DSCAM: variants seen among roughly 807,000 people sequenced by gnomAD.
DSCAM encodes the protein DS cell adhesion molecule.
DSCAM carries 47 observed loss-of-function variants against 217.7 expected under a neutral mutation model. That is an observed-to-expected ratio of 0.22 (90% CI 0.17 to 0.28). The LOEUF (loss-of-function observed/expected upper bound fraction) is 0.28, where lower values mean the gene tolerates loss of function less well. DSCAM is among the 10% of genes least tolerant of loss of function. The probability of loss-of-function intolerance (pLI) is 1.00; values close to 1 mark genes in which losing one functional copy is unlikely to be tolerated. For synonymous variants in DSCAM, 1,056 were observed against 1,015.3 expected (o/e 1.04, Z -0.76); for missense variants, 2,080 against 2,618.3 (o/e 0.79, Z 4.49).
intron 3 of DSCAM, among the ~76,000 whole-genome samples, chr21:40,441,083 T>TA (rs1179470519): frequency 1.5e-5 from 2 of 129,224 alleles, no homozygotes; most frequent in African/African-American, 5.8e-5. Context: ...CAAGAAATGG[T>TA]AAACCCTGAG....
rs141492405 is a variant in DSCAM, at chr21:40,296,780, G to A, written c.2063-606C>T. 8.1e-3 allele frequency among the ~76,000 whole-genome samples: 1,088 copies of A among 133,654 alleles called. 9 individuals are homozygous for A. Among genetic ancestry groups the A allele is most frequent in the Middle Eastern group, 0.032 (7 of 216 alleles). 87.7% of individuals were successfully genotyped at this position (133,654 alleles called of 152,430 possible). A position where few individuals can be genotyped will look rare whatever the true frequency, so the allele number is the denominator to read the frequency against. On this transcript the variant is annotated intron_variant, in intron 9 of 32. Transcript: ENST00000400454. ...CGGGAAGCGGAGGTTGCAGTGAGCTGAGATAATGCCATTGCACTCCAGCCT... is the reference window on the plus strand; with the variant it reads ...CGGGAAGCGGAGGTTGCAGTGAGCTAAGATAATGCCATTGCACTCCAGCCT...
chr21:40,626,565 A>G (rs563688025), intron 3 of DSCAM, among the ~76,000 whole-genome samples: 1 of 152,316 alleles, frequency 6.6e-6, no homozygotes, highest in African/African-American at 2.4e-5. Flanking sequence ...GGTGATCTGA[A>G]TCATGTCTCT....
intron 32 of DSCAM, among the ~76,000 whole-genome samples, chr21:40,021,798 A>G (rs2088277677): frequency 6.6e-6 from 1 of 152,134 alleles, no homozygotes; most frequent in Admixed American, 6.5e-5. Context: ...TCTGGTCCTG[A>G]AATGTACAGA....
At chr21:40,066,896 C>CTAACTTATT (rs1383061493) in intron 27 of DSCAM, among the ~76,000 whole-genome samples, 1 of 152,210 alleles carries the variant, frequency 6.6e-6, no homozygotes, top group Non-Finnish European at 1.5e-5. Flanking sequence ...ATAACCTCAA[C>CTAACTTATT]TAACTTATTT....
At chr21:40,092,160 G>T (rs1169747172) in intron 21 of DSCAM, among the ~76,000 whole-genome samples, 1 of 152,024 alleles carries the variant, frequency 6.6e-6, no homozygotes, top group Non-Finnish European at 1.5e-5. Flanking sequence ...TCCGTATCTG[G>T]CTCATGAAAA....
At chr21:40,307,599 C>A (rs868031135) in intron 9 of DSCAM, among the ~76,000 whole-genome samples, 2 of 152,052 alleles carry the variant, frequency 1.3e-5, no homozygotes, top group African/African-American at 4.8e-5. Flanking sequence ...ACCCAAAGGA[C>A]TATAAATCAT....
chr21:40,732,950 GT>G (rs1262905401), intron 1 of DSCAM, among the ~76,000 whole-genome samples: 2 of 152,204 alleles, frequency 1.3e-5, no homozygotes, highest in East Asian at 3.9e-4. Flanking sequence ...GATGCATAAA[GT>G]GATTTGAGGC....
chr21:40,776,247 G>A (rs2091487322), intron 1 of DSCAM, among the ~76,000 whole-genome samples: 1 of 151,618 alleles, frequency 6.6e-6, no homozygotes, highest in Admixed American at 6.6e-5. Flanking sequence ...TTATAATTTG[G>A]GGATTTGATC....
chr21:40,588,937 A>G (rs1267516592), intron 3 of DSCAM, among the ~76,000 whole-genome samples: 1 of 152,156 alleles, frequency 6.6e-6, no homozygotes, highest in East Asian at 1.9e-4. Flanking sequence ...CTGTAGCCAT[A>G]TTTTCAGGAG....
intron 3 of DSCAM, among the ~76,000 whole-genome samples, chr21:40,684,691 C>T (rs904273520): frequency 2.6e-5 from 4 of 152,188 alleles, no homozygotes; most frequent in Non-Finnish European, 5.9e-5. Flanking sequence ...TACTGTGGCA[C>T]ATTGTCTAAG....
At position 40,688,380 on chromosome 21, in the gene DSCAM, G is replaced by A. The variant is rs532194458; in HGVS notation, c.508+4430C>T. 3.9e-5 allele frequency among the ~76,000 whole-genome samples: 6 copies of A among 152,184 alleles called. No homozygotes were observed. In the South Asian group the frequency reaches 1.2e-3, roughly 32 times the overall value. On this transcript the variant is annotated intron_variant, in intron 3 of 32. Transcript: ENST00000400454. The stretch of plus-strand genomic sequence containing the variant: ...TGAAGGGAAACCCAAATATAAAGCC[G>A]GTGTTATTGTTTTTTTCCAGGATGG...
chr21:40,415,908 C>T (rs1380364158), intron 3 of DSCAM, among the ~76,000 whole-genome samples: 1 of 152,074 alleles, frequency 6.6e-6, no homozygotes, highest in Non-Finnish European at 1.5e-5. Context: ...TTATTAATGA[C>T]ACATAGGTTT....
rs151117328 is a variant in DSCAM, at chr21:40,809,882, G to A, written c.43+36737C>T. On this transcript the variant is annotated intron_variant, in intron 1 of 32. Transcript: ENST00000400454. The stretch of plus-strand genomic sequence containing the variant: ...CAAGCACTAGGAAAAGGGCGATGAC[G>A]TGGCTGTGAAAATGAGACAAGACAT... Among the ~76,000 whole-genome samples the A allele has an allele frequency of 5.2e-3, 797 of 152,314 alleles. 11 individuals are homozygous for A. The highest frequency in any genetic ancestry group is 0.018 in the African/African-American group (736 of 41,570).
intron 16 of DSCAM, among the ~76,000 whole-genome samples, chr21:40,159,740 G>T (rs1419594612): frequency 1.3e-5 from 2 of 152,072 alleles, no homozygotes; most frequent in Non-Finnish European, 2.9e-5. Context: ...GATCCATCAT[G>T]CCTGGCTAAT....
At position 40,178,592 on chromosome 21, in the gene DSCAM, C is replaced by T. The variant is rs1246938341; in HGVS notation, c.2947+335G>A. On this transcript the variant is annotated intron_variant, in intron 15 of 32. Coordinates refer to ENST00000400454, the MANE Select transcript of DSCAM (RefSeq NM_001389.5). ...GGGTCTCAGGAAAGAAACACACTCACGGTTCTCCTGTCAACCTGGATTCCA... is the reference window on the plus strand; with the variant it reads ...GGGTCTCAGGAAAGAAACACACTCATGGTTCTCCTGTCAACCTGGATTCCA... 3.3e-5 allele frequency among the ~76,000 whole-genome samples: 5 copies of T among 152,292 alleles called. No homozygotes were observed. In the East Asian group the frequency reaches 7.7e-4, roughly 24 times the overall value.
chr21:40,436,867 T>G (rs1673783681), intron 3 of DSCAM, among the ~76,000 whole-genome samples: 1 of 152,084 alleles, frequency 6.6e-6, no homozygotes, highest in South Asian at 2.1e-4. Flanking sequence ...ATTTATAGAA[T>G]TTAGATTTTA....
intron 1 of DSCAM, among the ~76,000 whole-genome samples, chr21:40,829,783 T>A (rs1683770951): frequency 6.6e-6 from 1 of 152,196 alleles, no homozygotes; most frequent in African/African-American, 2.4e-5. Context: ...GAAGTGGGGA[T>A]GACCAGGTGC....
chr21:40,708,135 G>A (rs1338530263), intron 2 of DSCAM, among the ~76,000 whole-genome samples: 2 of 152,074 alleles, frequency 1.3e-5, no homozygotes, highest in African/African-American at 2.4e-5. Context: ...AAAAAGGAGG[G>A]GTGGAAGCAA....
intron 3 of DSCAM, among the ~76,000 whole-genome samples, chr21:40,637,038 C>T (rs1470035306): frequency 7.1e-6 from 1 of 140,544 alleles, no homozygotes; most frequent in East Asian, 2.0e-4. Flanking sequence ...TCTACCTTTG[C>T]TAGAATGTGA....
Sources: allele counts gnomAD v4.1 joint callset (sites outside exome capture counted in the v4.1 genomes callset), GRCh38; gene constraint gnomAD v4.1.1; transcripts MANE v1.5; gene names NCBI Gene and HGNC (gene_info 2026-07-23, HGNC 2026-07-21).